Variants in HDAC8 observed in about 807,000 individuals in gnomAD.
HDAC8 encodes histone deacetylase 8, also known as histone deacetylase-like 1.
HDAC8 carries 1 observed loss-of-function variant against 32.2 expected under a neutral mutation model. The observed-to-expected ratio is 0.03, with a 90% CI of 0.01 to 0.15. The LOEUF is 0.15. Ranked by LOEUF, HDAC8 falls within the 10% of genes least tolerant of loss-of-function variation. The probability of loss-of-function intolerance (pLI) is 1.00; values close to 1 mark genes in which losing one functional copy is unlikely to be tolerated. For synonymous variants in HDAC8, 108 were observed against 113.9 expected (o/e 0.95, Z 0.33); for missense variants, 117 against 300.0 (o/e 0.39, Z 4.51).
chrX:72,418,791 T>C (rs1244554727), intron 9 of HDAC8, among the ~76,000 whole-genome samples: 1 of 111,550 alleles, frequency 9.0e-6, no homozygotes, highest in Non-Finnish European at 1.9e-5. Context: ...TGTTGATTTA[T>C]TGTCAGTTAA....
intron 4 of HDAC8, among the ~76,000 whole-genome samples, chrX:72,499,017 T>C (rs1287010746): frequency 1.8e-5 from 2 of 110,984 alleles, no homozygotes; most frequent in Non-Finnish European, 3.8e-5. Context: ...AAAAAGAGCC[T>C]GACACCTTCT....
chrX:72,501,432 A>G (rs1222891781), intron 4 of HDAC8, among the ~76,000 whole-genome samples: 1 of 111,412 alleles, frequency 9.0e-6, no homozygotes, highest in Non-Finnish European at 1.9e-5. Flanking sequence ...TACATAGACC[A>G]ATGGAACAGA....
Position 72,475,474 on chromosome X carries a change from A to G in HDAC8, c.738-10743T>C, listed in dbSNP as rs1226231437. On this transcript the variant is annotated intron_variant, in intron 7 of 10. Coordinates refer to ENST00000373573, the MANE Select transcript of HDAC8 (RefSeq NM_018486.3). ...GGTATGTTTTCTCTAAATTCTCTCA[A>G]TCCTATCTGAGCTCAGGTACTGCTG... 4.5e-5 allele frequency among the ~76,000 whole-genome samples: 5 copies of G among 111,660 alleles called. No individual in the cohort carries two copies. In the South Asian group the frequency reaches 1.9e-3, roughly 42 times the overall value.
chrX:72,544,061 T>C (rs2050788636), intron 4 of HDAC8, among the ~76,000 whole-genome samples: 1 of 112,311 alleles, frequency 8.9e-6, no homozygotes, highest in Admixed American at 9.4e-5. Context: ...CCCCTTAAGA[T>C]TCTGAATTCT....
chrX:72,483,989 C>A (rs781970543), intron 7 of HDAC8, among the ~76,000 whole-genome samples: 9 of 111,221 alleles, frequency 8.1e-5, no homozygotes, highest in Non-Finnish European at 1.7e-4. Flanking sequence ...CTGTTAACAG[C>A]AGAACTAATG....
intron 4 of HDAC8, among the ~76,000 whole-genome samples, chrX:72,553,436 T>C (rs782479955): frequency 8.9e-6 from 1 of 111,934 alleles, no homozygotes; most frequent in East Asian, 2.8e-4. Flanking sequence ...TATTTGGGTC[T>C]CCCTCCTGCC....
At chrX:72,445,120 C>T (rs1213418756) in intron 9 of HDAC8, among the ~76,000 whole-genome samples, 1 of 108,936 alleles carries the variant, frequency 9.2e-6, no homozygotes, top group Non-Finnish European at 1.9e-5. Flanking sequence ...AGGTAATTTA[C>T]AGATTCAATG....
intron 9 of HDAC8, among the ~76,000 whole-genome samples, chrX:72,376,196 G>T (rs1462868028): frequency 9.1e-6 from 1 of 109,698 alleles, no homozygotes; most frequent in Non-Finnish European, 1.9e-5. Flanking sequence ...GGCGTGAGAC[G>T]CTGTGCCTGG....
At chrX:72,423,378 T>C (rs538139015) in intron 9 of HDAC8, among the ~76,000 whole-genome samples, 3 of 111,854 alleles carry the variant, frequency 2.7e-5, no homozygotes, top group African/African-American at 9.7e-5. Context: ...ACCACTCTTT[T>C]AGCTGCTGCT....
intron 4 of HDAC8, among the ~76,000 whole-genome samples, chrX:72,515,231 C>T (rs1322228088): frequency 2.7e-5 from 3 of 111,092 alleles, no homozygotes; most frequent in Non-Finnish European, 5.7e-5. Flanking sequence ...AACCGCCATT[C>T]TTTTCTCTGT....
chrX:72,353,991 A>G (rs1315619757), intron 9 of HDAC8, among the ~76,000 whole-genome samples: 2 of 111,909 alleles, frequency 1.8e-5, no homozygotes, highest in African/African-American at 6.5e-5. Context: ...ATGTGTGCCT[A>G]TTATGCACTT....
chrX:72,551,761 C>A (rs888048076), intron 4 of HDAC8, among the ~76,000 whole-genome samples: 1 of 112,364 alleles, frequency 8.9e-6, no homozygotes, highest in Non-Finnish European at 1.9e-5. Flanking sequence ...CCCTAAAATT[C>A]TTTAGTAAAT....
rs1243143917 is a variant in HDAC8, at chrX:72,414,306, G to A, written c.1005+47698C>T. On this transcript the variant is annotated intron_variant, in intron 9 of 10. Coordinates refer to ENST00000373573, the MANE Select transcript of HDAC8 (RefSeq NM_018486.3). ...AGAGACCAAGAGAAGCAGTAATATT[G>A]TCAGTATGTTGAAAAAAAGTCTGTC... is the stretch of plus-strand genomic sequence containing the variant. Among the ~76,000 whole-genome samples the A allele has an allele frequency of 3.6e-5, 4 of 111,961 alleles. No individual in the cohort carries two copies. In the Admixed American group the frequency reaches 3.8e-4, roughly 11 times the overall value.
intron 10 of HDAC8, among the ~76,000 whole-genome samples, chrX:72,350,759 G>C (rs972623142): frequency 2.7e-5 from 3 of 112,520 alleles, no homozygotes; most frequent in Non-Finnish European, 3.8e-5. Context: ...AGAATGCTGA[G>C]GACAGTGACC....
chrX:72,477,210 TA>T (rs2048361207), intron 7 of HDAC8, among the ~76,000 whole-genome samples: 1 of 111,909 alleles, frequency 8.9e-6, no homozygotes, highest in South Asian at 3.8e-4. Context: ...TTCCAAACTA[TA>T]GTTAGAACAT....
intron 9 of HDAC8, among the ~76,000 whole-genome samples, chrX:72,376,774 A>G (rs2045092741): frequency 9.1e-6 from 1 of 110,419 alleles, no homozygotes; most frequent in African/African-American, 3.3e-5. Context: ...GCTCTTCTCT[A>G]TTTTCTTAAG....
intron 9 of HDAC8, among the ~76,000 whole-genome samples, chrX:72,385,072 T>C (rs1032460845): frequency 1.5e-4 from 17 of 112,197 alleles, no homozygotes; most frequent in African/African-American, 4.9e-4. Flanking sequence ...TTTTTTTTTT[T>C]CCAAAAATCT....
chrX:72,341,854 CTA>C (rs782130576), intron 10 of HDAC8, among the ~76,000 whole-genome samples: 1 of 112,453 alleles, frequency 8.9e-6, no homozygotes, highest in African/African-American at 3.2e-5. Context: ...CTGGCTGTTT[CTA>C]TGTCACTATG....
At chrX:72,489,747 C>G (rs1288976968) in intron 6 of HDAC8, among the ~76,000 whole-genome samples, 1 of 110,980 alleles carries the variant, frequency 9.0e-6, no homozygotes, top group African/African-American at 3.3e-5. Flanking sequence ...CCAAAATTGA[C>G]AAATGGGATC....
Sources: allele counts gnomAD v4.1 joint callset (sites outside exome capture counted in the v4.1 genomes callset), GRCh38; gene constraint gnomAD v4.1.1; transcripts MANE v1.5; gene names NCBI Gene and HGNC (gene_info 2026-07-23, HGNC 2026-07-21).